The following HDAC9 variants were observed in gnomAD, a reference collection of about 807,000 sequenced individuals.
HDAC9 encodes histone deacetylase 9, also known as MEF-2 interacting transcription repressor (MITR) protein.
HDAC9 carries 41 observed loss-of-function variants against 139.4 expected under a neutral mutation model. The observed-to-expected ratio is 0.29, with a 90% CI of 0.23 to 0.38. The LOEUF is 0.38. Ranked by LOEUF, HDAC9 falls within the 10% of genes least tolerant of loss-of-function variation. The pLI, the probability that HDAC9 is intolerant of heterozygous loss-of-function variation, is 1.00. For missense variants in HDAC9, 1,147 were observed against 1,297.0 expected, an observed-to-expected ratio of 0.88 and a Z score of 1.78; for synonymous variants, 517 against 476.2, an observed-to-expected ratio of 1.09 and a Z score of -1.12.
At chr7:18,231,260 T>C (rs1793442235) in intron 2 of HDAC9, among the ~76,000 whole-genome samples, 1 of 152,214 alleles carries the variant, frequency 6.6e-6, no homozygotes, top group Non-Finnish European at 1.5e-5. Flanking sequence ...TTAAATTGGA[T>C]TGCCCTTTAA....
At chr7:18,245,359 CT>C (rs1260394186) in intron 2 of HDAC9, among the ~76,000 whole-genome samples, 1 of 152,168 alleles carries the variant, frequency 6.6e-6, no homozygotes, top group Non-Finnish European at 1.5e-5. Flanking sequence ...TTCTATGTAT[CT>C]GGAAGCTCTT....
chr7:18,900,696 A>G (rs758072141), intron 22 of HDAC9, among the ~76,000 whole-genome samples: 3 of 152,176 alleles, frequency 2.0e-5, no homozygotes. Context: ...ACTGCCCACC[A>G]TAAAAACATA....
intron 22 of HDAC9, among the ~76,000 whole-genome samples, chr7:18,879,296 C>A (rs189170435): frequency 6.6e-6 from 1 of 152,022 alleles, no homozygotes; most frequent in East Asian, 1.9e-4. Flanking sequence ...CTTCACAGAA[C>A]TAGAAGAAAA....
intron 6 of HDAC9, among the ~76,000 whole-genome samples, chr7:18,595,627 A>T (rs1340133990): frequency 6.6e-6 from 1 of 152,048 alleles, no homozygotes; most frequent in African/African-American, 2.4e-5. Context: ...GATTCCCCTT[A>T]TGGCAGGAGG....
At chr7:18,485,123 A>T (rs76501683) in intron 1 of HDAC9, among the ~76,000 whole-genome samples, 139 of 152,268 alleles carry the variant, frequency 9.1e-4, no homozygotes, top group Middle Eastern at 3.4e-3. Flanking sequence ...GTTGGGGGGA[A>T]CACATTGTTT....
At chr7:18,939,781 G>A (rs900684410) in intron 23 of HDAC9, among the ~76,000 whole-genome samples, 1 of 152,096 alleles carries the variant, frequency 6.6e-6, no homozygotes, top group Non-Finnish European at 1.5e-5. Flanking sequence ...CCTTTATTCA[G>A]TGATTAATAG....
chr7:18,346,709 G>T (rs1272581945), intron 1 of HDAC9, among the ~76,000 whole-genome samples: 1 of 151,982 alleles, frequency 6.6e-6, no homozygotes, highest in Non-Finnish European at 1.5e-5. Context: ...ATGGTCAATG[G>T]GATCGAAAGA....
At chr7:18,759,209 C>G (rs1789155849) in intron 14 of HDAC9, among the ~76,000 whole-genome samples, 1 of 152,072 alleles carries the variant, frequency 6.6e-6, no homozygotes, top group Non-Finnish European at 1.5e-5. Flanking sequence ...CAGGTTTCTT[C>G]TTATCAGGGG....
At chr7:18,798,947 T>C (rs1437671441) in intron 17 of HDAC9, among the ~76,000 whole-genome samples, 2 of 152,046 alleles carry the variant, frequency 1.3e-5, no homozygotes, top group African/African-American at 2.4e-5. Flanking sequence ...TAAGCTCTTA[T>C]GTCAAACTGA....
intron 1 of HDAC9, among the ~76,000 whole-genome samples, chr7:18,402,787 C>T (rs1185921526): frequency 6.6e-6 from 1 of 152,106 alleles, no homozygotes; most frequent in Non-Finnish European, 1.5e-5. Flanking sequence ...TCAGGCACTT[C>T]TTTACTGGCT....
intron 2 of HDAC9, among the ~76,000 whole-genome samples, chr7:18,225,370 T>A (rs1792985631): frequency 6.6e-6 from 1 of 152,202 alleles, no homozygotes; most frequent in South Asian, 2.1e-4. Context: ...AAAAGACTTC[T>A]GCTTATTGCA....
At chr7:18,668,367 A>T (rs1795401304) in intron 12 of HDAC9, 1 of 935,864 alleles carries the variant, frequency 1.1e-6, no homozygotes, top group Non-Finnish European at 1.3e-6. Context: ...CTAAGATAAA[A>T]TTGTATATTT....
At chr7:18,478,067 C>A (rs1447939364) in intron 1 of HDAC9, among the ~76,000 whole-genome samples, 35 of 151,012 alleles carry the variant, frequency 2.3e-4, no homozygotes, top group Middle Eastern at 3.4e-3. Context: ...AACAAACAAA[C>A]AAAAAAAACT....
At chr7:18,201,669 A>G (rs1254789036) in intron 2 of HDAC9, among the ~76,000 whole-genome samples, 7 of 152,204 alleles carry the variant, frequency 4.6e-5, no homozygotes, top group African/African-American at 1.7e-4. Context: ...CACTCATGGA[A>G]AGCAGTGTCC....
intron 2 of HDAC9, among the ~76,000 whole-genome samples, chr7:18,500,317 A>T (rs1451817428): frequency 6.6e-6 from 1 of 152,192 alleles, no homozygotes; most frequent in Non-Finnish European, 1.5e-5. Flanking sequence ...CTCACTACTG[A>T]TAAATAATGA....
intron 2 of HDAC9, among the ~76,000 whole-genome samples, chr7:18,518,847 AT>A (rs1403241806): frequency 1.3e-5 from 2 of 152,232 alleles, no homozygotes; most frequent in Non-Finnish European, 2.9e-5. Flanking sequence ...TGTTTTTGAT[AT>A]TTCAAGGAAA....
At chr7:18,743,356 A>C (rs1787627965) in intron 13 of HDAC9, among the ~76,000 whole-genome samples, 1 of 152,162 alleles carries the variant, frequency 6.6e-6, no homozygotes, top group Non-Finnish European at 1.5e-5. Context: ...TGAAAAAAAG[A>C]CAAACAGACA....
rs1276799998 is a variant in HDAC9 at position 18,732,698 on chromosome 7, C to CGT, written c.1909+4944_1909+4945dup. ...GTGTGCGTATGTGTACACACACACA[C>CGT]GTGTATGTGTGCGTATGTGTACACA... On this transcript the variant is annotated intron_variant, in intron 13 of 25. Transcript: ENST00000686413. Among the ~76,000 whole-genome samples the CGT allele has an allele frequency of 1.2e-4, 9 of 76,948 alleles. 1 individual carries two copies. The highest frequency in any genetic ancestry group is 5.5e-4 in the African/African-American group (9 of 16,340). 50.5% of individuals were successfully genotyped at this position (76,948 alleles called of 152,430 possible). A position where few individuals can be genotyped will look rare whatever the true frequency, so the allele number is the denominator to read the frequency against.
Position 18,853,891 on chromosome 7 carries a change from A to G in HDAC9, c.2684+17894A>G, listed in dbSNP as rs573124176. On this transcript the variant is annotated intron_variant, in intron 21 of 25. Coordinates refer to ENST00000686413, the MANE Select transcript of HDAC9 (RefSeq NM_178425.4). ...ACCTATCTGATGACAAACATTAGAC[A>G]TAAGAATAATTCACATGTCTGGTTA... 2.0e-5 allele frequency among the ~76,000 whole-genome samples: 3 copies of G among 152,316 alleles called. No individual in the cohort carries two copies. In the South Asian group the frequency reaches 6.2e-4, roughly 32 times the overall value.
Sources: gnomAD v4.1 joint callset for allele counts (sites outside exome capture counted in the v4.1 genomes callset) on GRCh38, gnomAD v4.1.1 for gene constraint, MANE v1.5 for transcripts, NCBI Gene and HGNC (gene_info 2026-07-23, HGNC 2026-07-21) for gene names.